Variants in OCA2 observed in about 807,000 individuals in gnomAD.
OCA2 encodes P protein.
In OCA2, 77 loss-of-function variants were observed where a neutral mutation model predicts 100.2. That is an observed-to-expected ratio of 0.77 (90% CI 0.64 to 0.93). The LOEUF is 0.93. OCA2 is among the 40% of genes least tolerant of loss of function. OCA2 has a pLI of 0.00. For missense variants in OCA2, 1,062 were observed against 1,089.1 expected, an observed-to-expected ratio of 0.98 and a Z score of 0.35; for synonymous variants, 432 against 439.2, an observed-to-expected ratio of 0.98 and a Z score of 0.21.
chr15:27,821,957 T>C (rs2034525430), intron 23 of OCA2, among the ~76,000 whole-genome samples: 1 of 152,230 alleles, frequency 6.6e-6, no homozygotes, highest in Non-Finnish European at 1.5e-5. Context: ...CTCTCTGTTA[T>C]AGCATGAAAG....
intron 19 of OCA2, among the ~76,000 whole-genome samples, chr15:27,911,447 A>G (rs2038392331): frequency 6.6e-6 from 1 of 152,130 alleles, no homozygotes; most frequent in Non-Finnish European, 1.5e-5. Flanking sequence ...AAAATAAAAG[A>G]GGTTTATTTG....
At chr15:27,845,365 G>A (rs1044919036) in intron 22 of OCA2, among the ~76,000 whole-genome samples, 1 of 152,048 alleles carries the variant, frequency 6.6e-6, no homozygotes, top group African/African-American at 2.4e-5. Flanking sequence ...ACACAAGTGG[G>A]GCCAACAACC....
intron 19 of OCA2, among the ~76,000 whole-genome samples, chr15:27,910,979 A>G (rs895132070): frequency 1.1e-4 from 16 of 152,134 alleles, no homozygotes; most frequent in Non-Finnish European, 2.9e-5. Flanking sequence ...AAAGAAAAAA[A>G]AGAAAAGAAA....
intron 23 of OCA2, among the ~76,000 whole-genome samples, chr15:27,762,062 A>C (rs2030884826): frequency 6.6e-6 from 1 of 152,146 alleles, no homozygotes; most frequent in Admixed American, 6.5e-5. Context: ...TATTTGTATA[A>C]ATGTAAGGGG....
intron 23 of OCA2, among the ~76,000 whole-genome samples, chr15:27,772,981 T>C (rs2031978869): frequency 6.6e-6 from 1 of 152,186 alleles, no homozygotes; most frequent in Non-Finnish European, 1.5e-5. Context: ...TCTGATTAAA[T>C]TCATTTTCTC....
At chr15:27,809,818 C>T (rs2034002862) in intron 23 of OCA2, among the ~76,000 whole-genome samples, 1 of 152,002 alleles carries the variant, frequency 6.6e-6, no homozygotes, top group Non-Finnish European at 1.5e-5. Flanking sequence ...CCAAGGAGGT[C>T]GAAGACCTCT....
intron 23 of OCA2, among the ~76,000 whole-genome samples, chr15:27,800,690 C>G (rs1429052810): frequency 1.3e-5 from 2 of 151,896 alleles, no homozygotes; most frequent in Non-Finnish European, 2.9e-5. Context: ...TGAGGCCAGG[C>G]ATGGTGGCTC....
chr15:28,011,424 T>C (rs188551828), intron 9 of OCA2, among the ~76,000 whole-genome samples: 1 of 152,150 alleles, frequency 6.6e-6, no homozygotes, highest in East Asian at 1.9e-4. Context: ...GCTGTGATCA[T>C]GCTACTGCAC....
chr15:27,893,905 T>C (rs540932699), intron 19 of OCA2, among the ~76,000 whole-genome samples: 2 of 152,328 alleles, frequency 1.3e-5, no homozygotes, highest in African/African-American at 4.8e-5. Flanking sequence ...CTCAGAAGCA[T>C]GTGATCTTTG....
At chr15:27,966,855 C>A in intron 14 of OCA2, 33 bp from the exon 15 acceptor site, 1 of 1,590,278 alleles carries the variant, frequency 6.3e-7, no homozygotes, top group East Asian at 2.3e-5. Flanking sequence ...GAAATGGCAG[C>A]CCAGGCATGG....
chr15:27,949,584 G>A (rs1311809133), intron 18 of OCA2, among the ~76,000 whole-genome samples: 1 of 152,058 alleles, frequency 6.6e-6, no homozygotes, highest in Non-Finnish European at 1.5e-5. Flanking sequence ...AATTGCTTGA[G>A]CCCAGGAGGC....
At chr15:28,025,045 C>G in intron 4 of OCA2, 143 bp from the exon 5 acceptor site, 2 of 786,388 alleles carry the variant, frequency 2.5e-6, no homozygotes, top group South Asian at 2.9e-5. Flanking sequence ...AGGGAGAACA[C>G]CCTCATATCA....
the OCA2 span, among the ~76,000 whole-genome samples, chr15:27,732,050 C>T: frequency 1.3e-5 from 2 of 152,178 alleles, no homozygotes; most frequent in African/African-American, 4.8e-5. Context: ...GTGAGTAGGT[C>T]TGCTAATGAG....
intron 1 of OCA2, among the ~76,000 whole-genome samples, chr15:28,098,403 G>A (rs1427748432): frequency 6.6e-6 from 1 of 152,216 alleles, no homozygotes; most frequent in African/African-American, 2.4e-5. Flanking sequence ...CCCGCCCCGC[G>A]AAGCTCAGGC....
At chr15:27,729,691 C>T in the OCA2 span, among the ~76,000 whole-genome samples, 3 of 152,132 alleles carry the variant, frequency 2.0e-5, no homozygotes, top group Admixed American at 2.0e-4. Context: ...GGAAAAAATC[C>T]TCTAGCTTCT....
chr15:27,905,497 G>A (rs190386754), intron 19 of OCA2, among the ~76,000 whole-genome samples: 3 of 152,328 alleles, frequency 2.0e-5, no homozygotes, highest in Admixed American at 6.5e-5. Context: ...CCACCAGAAC[G>A]GGCCAGGGGG....
chr15:27,797,996 G>A (rs2033420365), intron 23 of OCA2, among the ~76,000 whole-genome samples: 1 of 152,244 alleles, frequency 6.6e-6, no homozygotes, highest in South Asian at 2.1e-4. Flanking sequence ...GCCAGGACAG[G>A]GAGGGCATGT....
At chr15:27,864,585 C>T (rs1399999559) in intron 21 of OCA2, among the ~76,000 whole-genome samples, 1 of 152,004 alleles carries the variant, frequency 6.6e-6, no homozygotes, top group Non-Finnish European at 1.5e-5. Context: ...CAAAGAAAGC[C>T]GGGGAAAGGA....
At chr15:28,091,514 C>G (rs2044869469) in intron 1 of OCA2, among the ~76,000 whole-genome samples, 1 of 152,134 alleles carries the variant, frequency 6.6e-6, no homozygotes, top group South Asian at 2.1e-4. Context: ...GTTCAATGTT[C>G]AAAAATCAAT....
Sources: allele counts gnomAD v4.1 joint callset (sites outside exome capture counted in the v4.1 genomes callset), GRCh38; gene constraint gnomAD v4.1.1; transcripts MANE v1.5; gene names NCBI Gene and HGNC (gene_info 2026-07-23, HGNC 2026-07-21).